The following TMEM272 variants were observed in gnomAD, a reference collection of about 807,000 sequenced individuals.
TMEM272 encodes the protein transmembrane protein 272.
A neutral mutation model predicts 3.7 loss-of-function variants in TMEM272; 8 were observed. That is an observed-to-expected ratio of 2.17 (90% CI 1.27 to 3.91). The LOEUF (loss-of-function observed/expected upper bound fraction) is 3.91. TMEM272 is among the 30% of genes most tolerant of loss of function. The pLI is 0.00. For missense variants in TMEM272, 166 were observed against 91.5 expected (o/e 1.81, Z -3.32); for synonymous variants, 63 against 39.8 (o/e 1.58, Z -2.20).
chr13:51,823,302 C>T (rs758948369), intron 3 of TMEM272, among the ~76,000 whole-genome samples: 12 of 152,240 alleles, frequency 7.9e-5, no homozygotes, highest in Non-Finnish European at 1.5e-4. Context: ...TGTTCTCAAA[C>T]TCCTGGGCTC....
chr13:51,855,433 A>G, the TMEM272 span, among the ~76,000 whole-genome samples: 21 of 152,216 alleles, frequency 1.4e-4, no homozygotes, highest in African/African-American at 4.3e-4. Flanking sequence ...ATAAGAAAAT[A>G]AGTTTTGACA....
intron 3 of TMEM272, among the ~76,000 whole-genome samples, chr13:51,822,390 C>G (rs569234024): frequency 3.9e-4 from 60 of 152,210 alleles, no homozygotes; most frequent in Middle Eastern, 3.4e-3. Flanking sequence ...GTCGCTGCAC[C>G]TTTTTTCTGG....
chr13:51,916,661 C>A, the TMEM272 span, among the ~76,000 whole-genome samples: 1 of 151,976 alleles, frequency 6.6e-6, no homozygotes, highest in African/African-American at 2.4e-5. Context: ...TTCCCTGGGG[C>A]GCCATTGGCC....
the TMEM272 span, among the ~76,000 whole-genome samples, chr13:51,878,628 T>C: frequency 6.6e-6 from 1 of 152,114 alleles, no homozygotes; most frequent in African/African-American, 2.4e-5. Context: ...ATATCACCTC[T>C]CCAATAGCTT....
At chr13:51,913,444 T>C in the TMEM272 span, among the ~76,000 whole-genome samples, 1 of 152,214 alleles carries the variant, frequency 6.6e-6, no homozygotes, top group Non-Finnish European at 1.5e-5. Flanking sequence ...GTAATTATAT[T>C]GTCTCCCTGC....
At chr13:51,912,203 C>T in the TMEM272 span, among the ~76,000 whole-genome samples, 1 of 152,112 alleles carries the variant, frequency 6.6e-6, no homozygotes, top group Non-Finnish European at 1.5e-5. Context: ...GGTGGTTTTC[C>T]CTGTTTTTCC....
At chr13:51,819,072 G>A (rs532943325) in intron 4 of TMEM272, among the ~76,000 whole-genome samples, 2 of 152,288 alleles carry the variant, frequency 1.3e-5, no homozygotes, top group South Asian at 4.1e-4. Flanking sequence ...ATAAGAAAAG[G>A]AAAGTGAGGC....
the TMEM272 span, among the ~76,000 whole-genome samples, chr13:51,875,383 T>C: frequency 1.4e-4 from 21 of 152,188 alleles, no homozygotes; most frequent in Admixed American, 1.0e-3. Context: ...TGCCTTTCCC[T>C]TAAAGCAGCT....
At chr13:51,896,551 C>T in the TMEM272 span, among the ~76,000 whole-genome samples, 1 of 152,128 alleles carries the variant, frequency 6.6e-6, no homozygotes, top group East Asian at 1.9e-4. Flanking sequence ...TTCAAGTTGT[C>T]GGTGCACATG....
At chr13:51,835,153 C>T (rs1315188028) in intron 2 of TMEM272, among the ~76,000 whole-genome samples, 2 of 152,164 alleles carry the variant, frequency 1.3e-5, no homozygotes, top group Non-Finnish European at 2.9e-5. Context: ...ATAGGGACAG[C>T]ACCAACCAAT....
At chr13:51,919,363 A>G in the TMEM272 span, among the ~76,000 whole-genome samples, 2 of 152,232 alleles carry the variant, frequency 1.3e-5, no homozygotes. Flanking sequence ...TCATAGTTTT[A>G]GAAATAACAA....
the TMEM272 span, among the ~76,000 whole-genome samples, chr13:51,864,414 T>G: frequency 6.6e-6 from 1 of 152,202 alleles, no homozygotes; most frequent in African/African-American, 2.4e-5. Flanking sequence ...GCTTTTCTCT[T>G]TCTGTGTTGA....
chr13:51,892,579 C>A, the TMEM272 span, among the ~76,000 whole-genome samples: 1 of 152,168 alleles, frequency 6.6e-6, no homozygotes, highest in African/African-American at 2.4e-5. Context: ...CTCCACCTCC[C>A]TTTCCAGTCT....
the TMEM272 span, among the ~76,000 whole-genome samples, chr13:51,881,302 T>G: frequency 6.6e-6 from 1 of 152,286 alleles, no homozygotes; most frequent in Middle Eastern, 3.4e-3. Flanking sequence ...ATTAACAGCC[T>G]GAAAGGTTAC....
the TMEM272 span, among the ~76,000 whole-genome samples, chr13:51,894,067 C>T: frequency 6.6e-6 from 1 of 152,204 alleles, no homozygotes; most frequent in South Asian, 2.1e-4. Context: ...TGGATACAGA[C>T]ACACCACACC....
the TMEM272 span, among the ~76,000 whole-genome samples, chr13:51,877,184 CAACTT>C: frequency 6.6e-6 from 1 of 152,318 alleles, no homozygotes; most frequent in African/African-American, 2.4e-5. Context: ...CTTCCCATCC[CAACTT>C]ATCATTTAAA....
At chr13:51,919,189 A>G in the TMEM272 span, among the ~76,000 whole-genome samples, 3 of 152,192 alleles carry the variant, frequency 2.0e-5, no homozygotes, top group Non-Finnish European at 4.4e-5. Context: ...AGGTGAGCCA[A>G]TGCTATAGCT....
At chr13:51,829,598 C>A (rs1344595447) in intron 2 of TMEM272, among the ~76,000 whole-genome samples, 1 of 152,178 alleles carries the variant, frequency 6.6e-6, no homozygotes, top group Middle Eastern at 3.2e-3. Flanking sequence ...TCCTATTCTG[C>A]ATTTTTGACC....
Position 51,816,996 on chromosome 13 carries a change from T to C in TMEM272, c.319A>G (p.Ile107Val). ...PWRQNAHRYY[I>V]HLLLSLFLFL... ...AGGAAGAGGCTCAGCAGGAGGTGGATGTAGTATCTGTGCGCATTCTGCCTC... is the reference window on the plus strand; with the variant it reads ...AGGAAGAGGCTCAGCAGGAGGTGGACGTAGTATCTGTGCGCATTCTGCCTC... The change falls in exon 5 of 5, where the codon ATC (isoleucine) becomes GTC (valine). Residue 107 changes from isoleucine (I) to valine (V), a missense_variant. By Grantham distance (29) the Ile-to-Val change is conservative (BLOSUM62 3). Coordinates refer to ENST00000629372, the MANE Select transcript of TMEM272 (RefSeq NM_001351003.2). The C allele has an allele frequency of 1.4e-6, 1 of 702,984 alleles. No individual in the cohort carries two copies. The highest frequency in any genetic ancestry group is 2.6e-6 in the Non-Finnish European group (1 of 384,990). 43.5% of individuals were successfully genotyped at this position (702,984 alleles called of 1,614,324 possible). A position where few individuals can be genotyped will look rare whatever the true frequency, so the allele number is the denominator to read the frequency against.
Sources: allele counts gnomAD v4.1 joint callset (sites outside exome capture counted in the v4.1 genomes callset), GRCh38; gene constraint gnomAD v4.1.1; transcripts MANE v1.5; gene names NCBI Gene and HGNC (gene_info 2026-07-23, HGNC 2026-07-21).